HHIP: variants seen among roughly 807,000 people sequenced by gnomAD.
HHIP encodes hedgehog-interacting protein.
A neutral mutation model predicts 74.0 loss-of-function variants in HHIP; 12 were observed. That is an observed-to-expected ratio of 0.16 (90% CI 0.10 to 0.26). The LOEUF is 0.26. Ranked by LOEUF, HHIP falls within the 10% of genes least tolerant of loss-of-function variation. The pLI, the probability that HHIP is intolerant of heterozygous loss-of-function variation, is 1.00. For missense variants in HHIP, 788 were observed against 845.0 expected (o/e 0.93, Z 0.84); for synonymous variants, 309 against 311.6 (o/e 0.99, Z 0.09).
At chr4:144,701,930 A>G (rs565058468) in intron 4 of HHIP, among the ~76,000 whole-genome samples, 60 of 152,362 alleles carry the variant, frequency 3.9e-4, no homozygotes, top group African/African-American at 1.4e-3. Context: ...ACATTAAAGT[A>G]TGAAGAGAAT....
intron 7 of HHIP, among the ~76,000 whole-genome samples, chr4:144,710,026 A>C (rs1730248382): frequency 6.6e-6 from 1 of 152,098 alleles, no homozygotes; most frequent in African/African-American, 2.4e-5. Context: ...ACATGTATCC[A>C]CCATTATAGT....
chr4:144,679,944 C>T (rs984558934), intron 4 of HHIP, among the ~76,000 whole-genome samples: 4 of 152,110 alleles, frequency 2.6e-5, no homozygotes, highest in African/African-American at 9.7e-5. Flanking sequence ...AAGCACAAAT[C>T]CTGACTCTGT....
rs202018222 is a variant in HHIP at position 144,714,212 on chromosome 4, T to C, written c.1424-13T>C. On this transcript the variant is annotated splice_polypyrimidine_tract_variant and intron_variant, in intron 8 of 12. Transcript: ENST00000296575. ...ATATGTTTCATTTGATCTAATGCTATGTTTCTTTCCAGAAAGTGAGCCATC... is the reference window on the plus strand; with the variant it reads ...ATATGTTTCATTTGATCTAATGCTACGTTTCTTTCCAGAAAGTGAGCCATC... 6 of 1,609,010 alleles carry C rather than the reference T, an allele frequency of 3.7e-6. No individual in the cohort carries two copies. Among genetic ancestry groups the C allele is most frequent in the East Asian group, 2.2e-5 (1 of 44,824 alleles).
At chr4:144,714,006 C>T (rs568745677) in intron 8 of HHIP, among the ~76,000 whole-genome samples, 6 of 152,106 alleles carry the variant, frequency 3.9e-5, no homozygotes, top group African/African-American at 9.6e-5. Context: ...CAAGCGTTTG[C>T]GGAGCATTCT....
rs5862720 is a variant in HHIP, at chr4:144,742,899, CTT to C, written c.*4946_*4947del. 0.026 allele frequency: 116 copies of C among 4,444 alleles called. 1 individual carries two copies. The highest frequency in any genetic ancestry group is 0.029 in the Admixed American group (4 of 138). 0.3% of individuals were successfully genotyped at this position (4,444 alleles called of 1,614,324 possible). ...TTTTATATATATCTTATATATATATCTTTTTATATATATCTTATATATATATC... is the reference window on the plus strand; with the variant it reads ...TTTTATATATATCTTATATATATATCTTTATATATATCTTATATATATATC... On this transcript the variant is annotated 3_prime_UTR_variant, in exon 13 of 13. Coordinates refer to ENST00000296575, the MANE Select transcript of HHIP (RefSeq NM_022475.3).
chr4:144,672,531 G>A (rs944203218), intron 4 of HHIP, among the ~76,000 whole-genome samples: 4 of 152,104 alleles, frequency 2.6e-5, no homozygotes, highest in Admixed American at 2.0e-4. Context: ...AGATGAGATT[G>A]CAGAGTTGAG....
At chr4:144,736,213 A>G (rs950069847) in intron 12 of HHIP, among the ~76,000 whole-genome samples, 4 of 142,836 alleles carry the variant, frequency 2.8e-5, no homozygotes, top group African/African-American at 5.2e-5. Flanking sequence ...TCGGCTCACC[A>G]CAACCTCCAC....
intron 4 of HHIP, among the ~76,000 whole-genome samples, chr4:144,661,869 A>G (rs1728723045): frequency 6.6e-6 from 1 of 152,182 alleles, no homozygotes; most frequent in African/African-American, 2.4e-5. Flanking sequence ...CATATCAACT[A>G]TTCTATTTTT....
chr4:144,690,785 T>A (rs568008776), intron 4 of HHIP, among the ~76,000 whole-genome samples: 12 of 43,352 alleles, frequency 2.8e-4, no homozygotes, highest in Non-Finnish European at 6.2e-4. Flanking sequence ...GTTACAAATC[T>A]ATGTGAAGAA....
At chr4:144,715,208 T>C (rs1255343605) in intron 9 of HHIP, 92 bp from the exon 10 acceptor site, 1 of 1,255,866 alleles carries the variant, frequency 8.0e-7, no homozygotes, top group Non-Finnish European at 1.1e-6. Flanking sequence ...GCAAAGCAAT[T>C]GTTTGTTATG....
intron 12 of HHIP, among the ~76,000 whole-genome samples, chr4:144,735,506 T>C (rs1731090807): frequency 6.6e-6 from 1 of 152,188 alleles, no homozygotes; most frequent in South Asian, 2.1e-4. Flanking sequence ...TATAACTTGA[T>C]AGTTCCTCAA....
intron 4 of HHIP, among the ~76,000 whole-genome samples, chr4:144,686,669 A>C (rs1041451812): frequency 3.9e-5 from 6 of 152,248 alleles, no homozygotes; most frequent in Non-Finnish European, 2.9e-5. Context: ...AAAACAACTT[A>C]GACTTTTAAG....
At chr4:144,668,515 A>G (rs1030379390) in intron 4 of HHIP, among the ~76,000 whole-genome samples, 1 of 152,172 alleles carries the variant, frequency 6.6e-6, no homozygotes. Context: ...GCACTTTGGG[A>G]GGCCTAGGCG....
At chr4:144,700,915 C>T (rs1242660133) in intron 4 of HHIP, among the ~76,000 whole-genome samples, 1 of 152,114 alleles carries the variant, frequency 6.6e-6, no homozygotes, top group African/African-American at 2.4e-5. Flanking sequence ...TCAAACAAAC[C>T]TGTTTTGCCA....
intron 4 of HHIP, among the ~76,000 whole-genome samples, chr4:144,680,807 C>A (rs1019085635): frequency 4.6e-5 from 7 of 152,154 alleles, no homozygotes; most frequent in African/African-American, 1.7e-4. Flanking sequence ...GGAATGAGGG[C>A]TTTTGGACTT....
chr4:144,735,157 T>A (rs913786558), intron 12 of HHIP, among the ~76,000 whole-genome samples: 6 of 152,096 alleles, frequency 3.9e-5, no homozygotes, highest in Non-Finnish European at 7.4e-5. Context: ...AAAATGCAAA[T>A]AGCACAACTA....
chr4:144,708,587 T>C (rs1423602016), intron 7 of HHIP, among the ~76,000 whole-genome samples: 1 of 152,234 alleles, frequency 6.6e-6, no homozygotes, highest in African/African-American at 2.4e-5. Flanking sequence ...TATTATCAGA[T>C]AAACACTATT....
chr4:144,732,896 G>C (rs1275548766), intron 11 of HHIP, among the ~76,000 whole-genome samples: 1 of 152,196 alleles, frequency 6.6e-6, no homozygotes, highest in Non-Finnish European at 1.5e-5. Flanking sequence ...ACAGAATTCT[G>C]CAATTTCAAC....
chr4:144,695,733 A>G (rs537350251), intron 4 of HHIP, among the ~76,000 whole-genome samples: 7 of 152,060 alleles, frequency 4.6e-5, no homozygotes, highest in African/African-American at 1.7e-4. Flanking sequence ...CAATTTTAGA[A>G]CAAAAATTTA....
Sources: gnomAD v4.1 joint callset for allele counts (sites outside exome capture counted in the v4.1 genomes callset) on GRCh38, gnomAD v4.1.1 for gene constraint, MANE v1.5 for transcripts, NCBI Gene and HGNC (gene_info 2026-07-23, HGNC 2026-07-21) for gene names.